Variants in SYCP2 observed in about 807,000 individuals in gnomAD.
SYCP2 encodes synaptonemal complex protein 2.
A neutral mutation model predicts 211.3 loss-of-function variants in SYCP2; 55 were observed. The observed-to-expected ratio is 0.26, with a 90% CI of 0.21 to 0.33. SYCP2 has a LOEUF of 0.33. Ranked by LOEUF, SYCP2 falls within the 10% of genes least tolerant of loss-of-function variation. The probability of loss-of-function intolerance (pLI) is 1.00; values close to 1 mark genes in which losing one functional copy is unlikely to be tolerated. For missense variants in SYCP2, 1,731 were observed against 1,752.0 expected, an observed-to-expected ratio of 0.99 and a Z score of 0.21; for synonymous variants, 570 against 555.2, an observed-to-expected ratio of 1.03 and a Z score of -0.37.
At chr20:59,904,138 T>C (rs2060169215) in intron 15 of SYCP2, among the ~76,000 whole-genome samples, 1 of 152,100 alleles carries the variant, frequency 6.6e-6, no homozygotes, top group Non-Finnish European at 1.5e-5. Flanking sequence ...TAACTAATTT[T>C]CCCTTCATTC....
chr20:59,889,415 C>A (rs948787922), intron 24 of SYCP2, among the ~76,000 whole-genome samples: 9 of 151,712 alleles, frequency 5.9e-5, no homozygotes, highest in African/African-American at 1.9e-4. Flanking sequence ...AAAAGGACTA[C>A]AAAATAAGAA....
intron 10 of SYCP2, among the ~76,000 whole-genome samples, chr20:59,914,882 G>A (rs1368924795): frequency 6.6e-6 from 1 of 151,634 alleles, no homozygotes. Flanking sequence ...TATTAATTAA[G>A]CTATTATATT....
rs759806554 is a variant in SYCP2, at chr20:59,882,156, G to C, written c.2539C>G (p.Gln847Glu). 7 of 1,610,620 alleles carry C rather than the reference G, an allele frequency of 4.3e-6. No individual in the cohort carries two copies. In the Admixed American group the frequency reaches 1.2e-4, roughly 27 times the overall value. Residue 847 changes from glutamine (Q) to glutamate (E), a missense_variant, in exon 27 of 45, where the codon CAG (glutamine) becomes GAG (glutamate). Gln to Glu is a conservative substitution (Grantham distance 29). This residue lies in a region of SYCP2 where 1,387 missense variants were observed against 1,351.3 expected (regional missense o/e 1.03). Transcript: ENST00000357552. ...TTCAGTTTTCTGTAGCTTTTTTTCT[G>C]AACTTTTTCCTGAAAAGAGGGTTAT... ...PVVQLSKEKV[Q>E]KKSYRKLKTT...
At position 59,866,379 on chromosome 20, in the gene SYCP2, C is replaced by G. The variant is rs2059334049; in HGVS notation, c.4234G>C (p.Asp1412His). ...QSQDSRIKKL[D>H]KFQFIIIEEL... is the part of the protein sequence containing the mutation. ...TCTATGATAATGAATTGGAATTTAT[C>G]AAGTTTTTTAATCCTATTACAGAAA... The change falls in exon 41 of 45, where the codon GAT becomes CAT. Residue 1412 changes from aspartate (D) to histidine (H), a missense_variant. By Grantham distance (81) the Asp-to-His change is moderately conservative. Transcript: ENST00000357552. 2.5e-6 allele frequency: 4 copies of G among 1,588,670 alleles called. No individual in the cohort carries two copies. The highest frequency in any genetic ancestry group is 3.4e-6 in the Non-Finnish European group (4 of 1,165,672).
At position 59,911,762 on chromosome 20, in the gene SYCP2, A is replaced by G. The variant is rs2060333343; in HGVS notation, c.960T>C (p.Ala320=). Residue 320 remains alanine (A), a synonymous_variant, in exon 14 of 45, where the codon GCT becomes GCC. Transcript: ENST00000357552. ...AAATTAAACTTACATCATTATCTCC[A>G]GCAATGTAGAATGAGAGAGTCTGAC... ...LGSQTLSFYI[A]GDNDDHQWEA... 6.4e-7 allele frequency: 1 copy of G among 1,560,814 alleles called. No individual in the cohort carries two copies. The highest frequency in any genetic ancestry group is 8.7e-7 in the Non-Finnish European group (1 of 1,143,176).
At chr20:59,900,704 C>T in intron 17 of SYCP2, 40 bp downstream of exon 17, 1 of 1,511,680 alleles carries the variant, frequency 6.6e-7, no homozygotes, top group Non-Finnish European at 9.2e-7. Context: ...TATGGTTAAA[C>T]TTAGCCCAGT....
intron 3 of SYCP2, 67 bp downstream of exon 3, chr20:59,922,323 T>C: frequency 1.4e-6 from 2 of 1,391,490 alleles, no homozygotes; most frequent in Non-Finnish European, 2.0e-6. Flanking sequence ...TAGCACTGAA[T>C]ACCTATAAGT....
chr20:59,908,232 G>C (rs558356788), intron 14 of SYCP2, among the ~76,000 whole-genome samples: 2 of 152,280 alleles, frequency 1.3e-5, no homozygotes, highest in East Asian at 3.9e-4. Flanking sequence ...CTGGGCAACA[G>C]AGGGAGACTC....
chr20:59,880,479 A>G lies in SYCP2; in HGVS notation c.2773-8T>C. 1 of 1,510,592 alleles carries G rather than the reference A, an allele frequency of 6.6e-7. No individual in the cohort carries two copies. 93.6% of individuals were successfully genotyped at this position (1,510,592 alleles called of 1,614,324 possible). On this transcript the variant is annotated splice_polypyrimidine_tract_variant and splice_region_variant and intron_variant, in intron 30 of 44. Coordinates refer to ENST00000357552, the MANE Select transcript of SYCP2 (RefSeq NM_014258.4). ...TTGATGATTTGTTATAATCTATAAA[A>G]AAAAGTTTGAAATGCATGAAGAAAT...
chr20:59,892,348 T>G lies in SYCP2; in HGVS notation c.2006A>C (p.Lys669Thr). The G allele has an allele frequency of 6.2e-7, 1 of 1,602,630 alleles. No individual in the cohort carries two copies. Among genetic ancestry groups the G allele is most frequent in the South Asian group, 1.1e-5 (1 of 90,608 alleles). The change falls in exon 24 of 45, where the codon AAA (lysine) becomes ACA (threonine). Residue 669 changes from lysine (K) to threonine (T), a missense_variant. Physicochemically the swap from Lys to Thr is moderately conservative, Grantham distance 78. Coordinates refer to ENST00000357552, the MANE Select transcript of SYCP2 (RefSeq NM_014258.4). ...GGTTTGTTCTTTCTTATATTTCACTTTTCCTGTTCCTTCAGAATTATGATC... is the reference window on the plus strand; with the variant it reads ...GGTTTGTTCTTTCTTATATTTCACTGTTCCTGTTCCTTCAGAATTATGATC... ...ISDHNSEGTG[K>T]VKYKKEQTDH...
At chr20:59,911,632 ATAT>A (rs1266444852) in intron 14 of SYCP2, 115 bp downstream of exon 14, 5 of 421,564 alleles carry the variant, frequency 1.2e-5, no homozygotes, top group Non-Finnish European at 2.1e-5. Context: ...ACTAGAGCTA[ATAT>A]TAAAATCTAG....
intron 37 of SYCP2, 82 bp downstream of exon 37, chr20:59,868,751 CTT>C: frequency 7.4e-7 from 1 of 1,347,860 alleles, no homozygotes; most frequent in Non-Finnish European, 1.0e-6. Flanking sequence ...AACGGTATGA[CTT>C]AAAATACATA....
At chr20:59,870,684 G>A (rs1041790741) in intron 35 of SYCP2, among the ~76,000 whole-genome samples, 6 of 151,748 alleles carry the variant, frequency 4.0e-5, no homozygotes, top group African/African-American at 1.5e-4. Flanking sequence ...GAATTCTGAG[G>A]AATGGTGGGG....
intron 25 of SYCP2, among the ~76,000 whole-genome samples, chr20:59,886,281 T>C (rs185385633): frequency 5.3e-4 from 81 of 151,988 alleles, no homozygotes; most frequent in African/African-American, 1.9e-3. Flanking sequence ...TAATAGACTA[T>C]AAATAGACAT....
intron 15 of SYCP2, 106 bp downstream of exon 15, chr20:59,907,258 A>G (rs1030118012): frequency 1.4e-6 from 1 of 714,532 alleles, no homozygotes; most frequent in Non-Finnish European, 2.4e-6. Flanking sequence ...CTCTGAAAAT[A>G]TTGATTTTGC....
At chr20:59,908,413 C>T (rs2060252140) in intron 14 of SYCP2, among the ~76,000 whole-genome samples, 1 of 152,106 alleles carries the variant, frequency 6.6e-6, no homozygotes, top group South Asian at 2.1e-4. Flanking sequence ...ATGACATCAC[C>T]ACCTTTTTCC....
intron 19 of SYCP2, among the ~76,000 whole-genome samples, chr20:59,896,149 C>T (rs1277054469): frequency 6.6e-6 from 1 of 151,994 alleles, no homozygotes; most frequent in Non-Finnish European, 1.5e-5. Context: ...GCTAAGTCCA[C>T]CTGGCCTGGT....
intron 2 of SYCP2, among the ~76,000 whole-genome samples, chr20:59,930,619 A>G (rs751180289): frequency 7.2e-5 from 11 of 152,198 alleles, no homozygotes; most frequent in Non-Finnish European, 1.0e-4. Flanking sequence ...AGCAATCTAT[A>G]TTAATATATA....
At chr20:59,890,360 G>T (rs1375288011) in intron 24 of SYCP2, among the ~76,000 whole-genome samples, 1 of 152,066 alleles carries the variant, frequency 6.6e-6, no homozygotes, top group African/African-American at 2.4e-5. Context: ...AGAACACATG[G>T]ACACAGGGAG....
Sources: gnomAD v4.1 joint callset for allele counts (sites outside exome capture counted in the v4.1 genomes callset) on GRCh38, gnomAD v4.1.1 for gene constraint, gnomAD v4.1.1 regional missense constraint, MANE v1.5 for transcripts, NCBI Gene and HGNC (gene_info 2026-07-23, HGNC 2026-07-21) for gene names.